The following FAT1 variants were observed in gnomAD, a reference collection of about 807,000 sequenced individuals.
FAT1 encodes FAT atypical cadherin 1.
FAT1 carries 171 observed loss-of-function variants against 329.8 expected under a neutral mutation model. That is an observed-to-expected ratio of 0.52 (90% confidence interval 0.46 to 0.59). The LOEUF (loss-of-function observed/expected upper bound fraction) is 0.59. FAT1 is among the 20% of genes least tolerant of loss of function. The pLI, the probability that FAT1 is intolerant of heterozygous loss-of-function variation, is 0.00. For synonymous variants in FAT1, 2,233 were observed against 2,228.6 expected (o/e 1.00, Z -0.06); for missense variants, 5,672 against 5,774.4 (o/e 0.98, Z 0.57).
Position 186,708,621 on chromosome 4 carries a change from T to C in FAT1, c.1207A>G (p.Lys403Glu). The C allele has an allele frequency of 6.2e-7, 1 of 1,613,924 alleles. No individual in the cohort carries two copies. Residue 403 changes from lysine (K) to glutamate (E), a missense_variant, in exon 2 of 27, where the codon AAA (lysine) becomes GAA (glutamate). This residue lies in a region of FAT1 where 3,966 missense variants were observed against 3,915.2 expected (regional missense o/e 1.01). Coordinates refer to ENST00000441802, the MANE Select transcript of FAT1 (RefSeq NM_005245.4). Reference sequence around the variant, plus strand: ...AATTTAGCTTTTCCAGGTGTACTTTTAAAAACATACCTCAAATGGGAATAA... The same window carrying C: ...AATTTAGCTTTTCCAGGTGTACTTTCAAAAACATACCTCAAATGGGAATAA... ...PAYSHLRYVF[K>E]STPGKAKFSL...
intron 23 of FAT1, 49 bp downstream of exon 23, chr4:186,597,923 A>C (rs999664921): frequency 3.2e-6 from 5 of 1,582,782 alleles, no homozygotes; most frequent in Non-Finnish European, 4.3e-6. Flanking sequence ...TATATGTTTA[A>C]GAATTTTATA....
chr4:186,722,682 C>A (rs1027843904), intron 1 of FAT1, among the ~76,000 whole-genome samples: 1 of 152,200 alleles, frequency 6.6e-6, no homozygotes, highest in African/African-American at 2.4e-5. Context: ...TTCTCACACA[C>A]AGATACCTTC....
chr4:186,715,995 AAC>A (rs1329752453), intron 1 of FAT1, among the ~76,000 whole-genome samples: 13 of 152,186 alleles, frequency 8.5e-5, no homozygotes, highest in African/African-American at 2.4e-4. Context: ...CACAAAACAG[AAC>A]ACAGCCCCTG....
chr4:186,588,095 A>G lies in FAT1; in HGVS notation c.*497T>C. 4.5e-6 allele frequency: 1 copy of G among 222,108 alleles called. No individual in the cohort carries two copies. The highest frequency in any genetic ancestry group is 2.3e-5 in the African/African-American group (1 of 44,292). 13.8% of individuals were successfully genotyped at this position (222,108 alleles called of 1,614,324 possible). On this transcript the variant is annotated 3_prime_UTR_variant, in exon 27 of 27. Transcript: ENST00000441802. ...ATGTACTAACAAAATGTCACACTTCAGTGGAAAAAGACAGAATGAAACCCT... is the reference window on the plus strand; with the variant it reads ...ATGTACTAACAAAATGTCACACTTCGGTGGAAAAAGACAGAATGAAACCCT...
intron 3 of FAT1, among the ~76,000 whole-genome samples, chr4:186,648,815 G>A (rs1198565476): frequency 6.6e-6 from 1 of 152,100 alleles, no homozygotes; most frequent in African/African-American, 2.4e-5. Flanking sequence ...CCACTCATGA[G>A]GACCCAGCCT....
intron 2 of FAT1, among the ~76,000 whole-genome samples, chr4:186,671,976 A>G (rs1352574444): frequency 1.3e-5 from 2 of 152,164 alleles, no homozygotes; most frequent in African/African-American, 4.8e-5. Context: ...TATTCAGTCT[A>G]CTTTCTCAGG....
Position 186,621,775 on chromosome 4 carries a change from C to T in FAT1, c.4811G>A (p.Gly1604Glu), listed in dbSNP as rs1301067083. 1 of 1,543,898 alleles carries T rather than the reference C, an allele frequency of 6.5e-7. No homozygotes were observed. Among genetic ancestry groups the T allele is most frequent in the South Asian group, 1.2e-5 (1 of 81,446 alleles). Residue 1604 changes from glycine to glutamate, a missense_variant and splice_region_variant, in exon 10 of 27, where the codon GGA becomes GAA. By Grantham distance (98) the Gly-to-Glu change is moderately conservative. Transcript: ENST00000441802. ...NAEVLYSIES[G>E]NIGNSFMIDP... ...AATCATAAAAGAATTTCCAATATTT[C>T]CTGGAAGGAGAGGAAAAAATACATG...
Position 186,708,070 on chromosome 4 carries a change from C to T in FAT1, c.1758G>A (p.Glu586=), listed in dbSNP as rs1744731662. The change falls in exon 2 of 27, where the codon GAG becomes GAA. Residue 586 remains glutamate, a synonymous_variant. Coordinates refer to ENST00000441802, the MANE Select transcript of FAT1 (RefSeq NM_005245.4). ...GTIPRDLGVG[E]QITTVSAIDA... ...CAATAGCAGAAACAGTGGTTATTTG[C>T]TCTCCCACGCCTAGATCTCTGGGAA... The T allele has an allele frequency of 6.2e-7, 1 of 1,613,826 alleles. No individual in the cohort carries two copies. Among genetic ancestry groups the T allele is most frequent in the South Asian group, 1.1e-5 (1 of 91,074 alleles).
At chr4:186,675,305 GAA>G (rs34225137) in intron 2 of FAT1, among the ~76,000 whole-genome samples, 2 of 143,572 alleles carry the variant, frequency 1.4e-5, no homozygotes, top group African/African-American at 2.6e-5. Flanking sequence ...ATCTCATTAA[GAA>G]AAAAAAAAAA....
At position 186,596,872 on chromosome 4, in the gene FAT1, G is replaced by C. The variant is rs2126391307; in HGVS notation, c.12668C>G (p.Pro4223Arg). Residue 4223 changes from proline (P) to arginine (R), a missense_variant, in exon 25 of 27, where the codon CCC becomes CGC. Pro to Arg is a moderately radical substitution (Grantham distance 103). This residue lies in a region of FAT1 where 1,706 missense variants were observed against 1,859.1 expected (regional missense o/e 0.92). Coordinates refer to ENST00000441802, the MANE Select transcript of FAT1 (RefSeq NM_005245.4). The surrounding 1 kb of genome is among the most constrained non-coding windows in gnomAD (Gnocchi z 4.7). ...CGGTCTTTGCAAGAAAGCCGTAGCG[G>C]GTCCCAGGTGCTTGTCTTTAGGTTC... ...QAEPKDKHLG[P>R]ATAFLQRPYF... 1 of 1,613,992 alleles carries C rather than the reference G, an allele frequency of 6.2e-7. No individual in the cohort carries two copies. The highest frequency in any genetic ancestry group is 8.5e-7 in the Non-Finnish European group (1 of 1,179,890).
At chr4:186,606,723 T>A (rs922593667) in intron 16 of FAT1, among the ~76,000 whole-genome samples, 1 of 152,164 alleles carries the variant, frequency 6.6e-6, no homozygotes, top group East Asian at 1.9e-4. Context: ...TATACTCAGC[T>A]GTCTAAATCC....
At chr4:186,703,255 G>C (rs1744411437) in intron 2 of FAT1, among the ~76,000 whole-genome samples, 1 of 152,174 alleles carries the variant, frequency 6.6e-6, no homozygotes, top group Admixed American at 6.5e-5. Context: ...ACGGAGCTAA[G>C]AACACAGAGC....
rs369453850 is a variant in FAT1 at position 186,603,139 on chromosome 4, T to C, written c.11350+37A>G. The C allele has an allele frequency of 1.2e-5, 19 of 1,609,092 alleles. No homozygotes were observed. In the Admixed American group the frequency reaches 1.3e-4, roughly 11 times the overall value. The stretch of plus-strand genomic sequence containing the variant: ...AGGCTTCAAAGGCCGTCTGAAACCA[T>C]CTGTGACACCGACTTTCATACACTC... On this transcript the variant is annotated intron_variant, in intron 19 of 26. Transcript: ENST00000441802.
intron 3 of FAT1, among the ~76,000 whole-genome samples, chr4:186,646,726 GAAAAA>G (rs34078009): frequency 6.8e-6 from 1 of 147,618 alleles, no homozygotes. Flanking sequence ...AACCTACATA[GAAAAA>G]AAAAAAAAAA....
chr4:186,696,778 C>A (rs1349885399), intron 2 of FAT1, among the ~76,000 whole-genome samples: 1 of 152,208 alleles, frequency 6.6e-6, no homozygotes, highest in Non-Finnish European at 1.5e-5. Context: ...AATTCCAACA[C>A]TTTGGGAAGC....
At chr4:186,604,001 C>A (rs765770898) in intron 18 of FAT1, 24 bp from the exon 19 acceptor site, 3 of 1,568,632 alleles carry the variant, frequency 1.9e-6, no homozygotes, top group African/African-American at 2.7e-5. Flanking sequence ...AAAATAAAAT[C>A]ACCTTTGTCT....
chr4:186,609,160 G>T (rs1328612403), intron 16 of FAT1, 23 bp downstream of exon 16: 2 of 1,608,866 alleles, frequency 1.2e-6, no homozygotes, highest in East Asian at 4.5e-5. Flanking sequence ...TGTAAACAAC[G>T]TAAATCAACC....
chr4:186,699,955 C>A (rs1334019971), intron 2 of FAT1, among the ~76,000 whole-genome samples: 1 of 152,182 alleles, frequency 6.6e-6, no homozygotes, highest in African/African-American at 2.4e-5. Flanking sequence ...AACCTCTACA[C>A]ACACAGGTCA....
At chr4:186,665,443 CA>C (rs368694667) in intron 2 of FAT1, among the ~76,000 whole-genome samples, 7,013 of 152,152 alleles carry the variant, frequency 0.046, 513 homozygotes, top group African/African-American at 0.16. Context: ...CTCTGATGGC[CA>C]GTGATGATGA....
Sources: gnomAD v4.1 joint callset for allele counts (sites outside exome capture counted in the v4.1 genomes callset) on GRCh38, gnomAD v4.1.1 for gene constraint, gnomAD v4.1.1 regional missense constraint, Gnocchi (gnomAD v3.1) non-coding constraint, MANE v1.5 for transcripts, NCBI Gene and HGNC (gene_info 2026-07-23, HGNC 2026-07-21) for gene names.